SLC38A12: variants seen among roughly 807,000 people sequenced by gnomAD.
SLC38A12 encodes solute carrier family 38 member 12.
chr17:74,833,294 C>T, the SLC38A12 span, among the ~76,000 whole-genome samples: 2 of 152,224 alleles, frequency 1.3e-5, no homozygotes, highest in Non-Finnish European at 2.9e-5. Context: ...GGATTACAGG[C>T]GTGAGCCACT....
chr17:74,797,508 C>T, the SLC38A12 span, among the ~76,000 whole-genome samples: 1 of 152,200 alleles, frequency 6.6e-6, no homozygotes, highest in South Asian at 2.1e-4. Context: ...CAGTCCCCTG[C>T]TGGGGGCTTC....
chr17:74,818,248 A>G, the SLC38A12 span, among the ~76,000 whole-genome samples: 46,150 of 151,840 alleles, frequency 0.3, 7,278 homozygotes, highest in East Asian at 0.45. Context: ...TCCCCTGCCC[A>G]GCCCCATCCC....
the SLC38A12 span, among the ~76,000 whole-genome samples, chr17:74,833,409 C>T: frequency 2.0e-5 from 3 of 152,202 alleles, no homozygotes; most frequent in East Asian, 1.9e-4. Context: ...CTCTGGAGGA[C>T]GCCAGTTAGA....
chr17:74,785,642 T>C, the SLC38A12 span: 9 of 1,603,780 alleles, frequency 5.6e-6, no homozygotes, highest in Admixed American at 1.2e-4. Context: ...GGGCCAGGAG[T>C]GGAGCAGGAG....
chr17:74,824,708 G>A, the SLC38A12 span, among the ~76,000 whole-genome samples: 4 of 152,320 alleles, frequency 2.6e-5, no homozygotes, highest in Non-Finnish European at 5.9e-5. Flanking sequence ...CGGAGCAGAC[G>A]CTGCACACGC....
chr17:74,826,814 G>T, the SLC38A12 span, among the ~76,000 whole-genome samples: 11 of 152,216 alleles, frequency 7.2e-5, no homozygotes, highest in African/African-American at 1.9e-4. Context: ...GGCCCCAGAG[G>T]TGGGGTAGTG....
the SLC38A12 span, chr17:74,836,533 G>T: frequency 6.2e-7 from 1 of 1,613,032 alleles, no homozygotes; most frequent in Non-Finnish European, 8.5e-7. This position sits in a 1 kb window ranked among gnomAD's most constrained non-coding sequence, Gnocchi z 4.2. Context: ...TACCACTGCC[G>T]CAGGGACACC....
At chr17:74,781,942 C>T in the SLC38A12 span, among the ~76,000 whole-genome samples, 2 of 152,214 alleles carry the variant, frequency 1.3e-5, no homozygotes, top group South Asian at 2.1e-4. Flanking sequence ...GCCTCTGGGC[C>T]GGGAAGTCTC....
the SLC38A12 span, among the ~76,000 whole-genome samples, chr17:74,781,951 T>C: frequency 6.6e-6 from 1 of 152,196 alleles, no homozygotes; most frequent in African/African-American, 2.4e-5. Flanking sequence ...CCGGGAAGTC[T>C]CTCCCTCGTC....
At chr17:74,818,269 TAGAA>T in the SLC38A12 span, among the ~76,000 whole-genome samples, 1 of 152,126 alleles carries the variant, frequency 6.6e-6, no homozygotes, top group Non-Finnish European at 1.5e-5. Context: ...CCAAGCCTGA[TAGAA>T]AGAAAGACTT....
At chr17:74,800,910 G>A in the SLC38A12 span, among the ~76,000 whole-genome samples, 3 of 152,206 alleles carry the variant, frequency 2.0e-5, no homozygotes, top group Non-Finnish European at 4.4e-5. Flanking sequence ...GTCTAGAAAC[G>A]GAATGCAGGA....
At chr17:74,834,368 G>A in the SLC38A12 span, among the ~76,000 whole-genome samples, 12 of 152,196 alleles carry the variant, frequency 7.9e-5, no homozygotes, top group South Asian at 2.5e-3. Context: ...CGGGCGGTGA[G>A]AGGCAGAAAC....
At chr17:74,836,673 G>C in the SLC38A12 span, 2 of 1,600,880 alleles carry the variant, frequency 1.2e-6, no homozygotes, top group Admixed American at 3.4e-5. This position sits in a 1 kb window ranked among gnomAD's most constrained non-coding sequence, Gnocchi z 4.2. Context: ...CATCCTCAGC[G>C]AGACCAAGCT....
the SLC38A12 span, chr17:74,837,318 G>A: frequency 2.0e-6 from 2 of 985,528 alleles, no homozygotes; most frequent in Non-Finnish European, 1.2e-6. Flanking sequence ...AGAGCTGCGA[G>A]GGCCCTCGCT....
chr17:74,829,105 C>CAAAA, the SLC38A12 span, among the ~76,000 whole-genome samples: 2 of 152,140 alleles, frequency 1.3e-5, no homozygotes, highest in African/African-American at 4.8e-5. The surrounding 1 kb of genome is among the most constrained non-coding windows in gnomAD (Gnocchi z 4.1). Flanking sequence ...GGATACTTTA[C>CAAAA]GTTCCTTTTC....
At chr17:74,834,654 G>A in the SLC38A12 span, among the ~76,000 whole-genome samples, 1 of 152,178 alleles carries the variant, frequency 6.6e-6, no homozygotes, top group Non-Finnish European at 1.5e-5. Context: ...TCTGCGGGGG[G>A]CCCCAGACAG....
At chr17:74,780,361 G>A in the SLC38A12 span, among the ~76,000 whole-genome samples, 1 of 152,214 alleles carries the variant, frequency 6.6e-6, no homozygotes, top group African/African-American at 2.4e-5. Context: ...GCATAGGAGA[G>A]CAGGCCAGCC....
the SLC38A12 span, chr17:74,790,296 C>G: frequency 1.9e-6 from 3 of 1,613,712 alleles, no homozygotes; most frequent in South Asian, 1.1e-5. Flanking sequence ...CCTGTCTGTG[C>G]GTAAGTCTTG....
chr17:74,782,284 T>G, the SLC38A12 span, among the ~76,000 whole-genome samples: 1 of 152,146 alleles, frequency 6.6e-6, no homozygotes, highest in Non-Finnish European at 1.5e-5. Flanking sequence ...CCCAGGCTAG[T>G]CTCGAACTCC....
Sources: allele counts gnomAD v4.1 joint callset (sites outside exome capture counted in the v4.1 genomes callset), GRCh38; gene constraint gnomAD v4.1.1; non-coding constraint Gnocchi (gnomAD v3.1); transcripts MANE v1.5; gene names NCBI Gene and HGNC (gene_info 2026-07-23, HGNC 2026-07-21).